The following ENTPD1 variants were observed in gnomAD, a reference collection of about 807,000 sequenced individuals.
ENTPD1 encodes ATP diphosphohydrolase.
A neutral mutation model predicts 57.0 loss-of-function variants in ENTPD1; 33 were observed. That is an observed-to-expected ratio of 0.58 (90% CI 0.44 to 0.77). The LOEUF (loss-of-function observed/expected upper bound fraction) is 0.77. ENTPD1 is among the 30% of genes least tolerant of loss of function. ENTPD1 has a pLI of 0.00. For synonymous variants in ENTPD1, 202 were observed against 218.8 expected (o/e 0.92, Z 0.68); for missense variants, 501 against 603.4 (o/e 0.83, Z 1.78).
In ENTPD1 at chr10:95,869,216, G is replaced by GAAAA; in HGVS notation, c.*2836_*2839dup. On this transcript the variant is annotated 3_prime_UTR_variant, in exon 10 of 10. Coordinates refer to ENST00000371205, the MANE Select transcript of ENTPD1 (RefSeq NM_001776.6). ...TTTTTTTCTATGAACCTATAGGGGA[G>GAAAA]AAAAAAGATCAGCAGAAGTCATTAC... 1 of 695,126 alleles carries GAAAA rather than the reference G, an allele frequency of 1.4e-6. No individual in the cohort carries two copies. Among genetic ancestry groups the GAAAA allele is most frequent in the Non-Finnish European group, 1.7e-6 (1 of 577,262 alleles). 43.1% of individuals were successfully genotyped at this position (695,126 alleles called of 1,614,324 possible).
intron 1 of ENTPD1, among the ~76,000 whole-genome samples, chr10:95,778,922 A>G (rs1412952506): frequency 6.6e-6 from 1 of 152,190 alleles, no homozygotes; most frequent in Admixed American, 6.5e-5. Flanking sequence ...AATGAGTCTT[A>G]GAGAGTGTAT....
At chr10:95,759,973 C>T (rs1336757838) in intron 1 of ENTPD1, among the ~76,000 whole-genome samples, 1 of 152,144 alleles carries the variant, frequency 6.6e-6, no homozygotes, top group African/African-American at 2.4e-5. Flanking sequence ...TACGTTCTAC[C>T]TCCTCAAGAG....
At chr10:95,843,960 G>A (rs2098427905) in intron 4 of ENTPD1, among the ~76,000 whole-genome samples, 1 of 152,178 alleles carries the variant, frequency 6.6e-6, no homozygotes, top group Admixed American at 6.5e-5. Context: ...GCTGTAATAT[G>A]AGGAAGATTT....
intron 7 of ENTPD1, among the ~76,000 whole-genome samples, chr10:95,853,342 G>A (rs2098448782): frequency 6.6e-6 from 1 of 152,176 alleles, no homozygotes; most frequent in Non-Finnish European, 1.5e-5. Flanking sequence ...CTGAGATGAT[G>A]GGGTTTTCTA....
chr10:95,715,875 G>T (rs978834658), intron 1 of ENTPD1, among the ~76,000 whole-genome samples: 4 of 151,944 alleles, frequency 2.6e-5, no homozygotes, highest in African/African-American at 2.4e-5. Context: ...ATTTTTGTTT[G>T]CTTGTTTGTG....
chr10:95,823,510 G>A lies in ENTPD1; in HGVS notation c.144+146G>A. 3.2e-6 allele frequency: 4 copies of A among 1,231,288 alleles called. No homozygotes were observed. The South Asian group carries it at 5.2e-5, about 16-fold the overall frequency. 76.3% of individuals were successfully genotyped at this position (1,231,288 alleles called of 1,614,324 possible). A position where few individuals can be genotyped will look rare whatever the true frequency, so the allele number is the denominator to read the frequency against. On this transcript the variant is annotated intron_variant, in intron 2 of 9. Coordinates refer to ENST00000371205, the MANE Select transcript of ENTPD1 (RefSeq NM_001776.6). ...CAAGTCAATTTCCACTGGATTAGGG[G>A]AGTAAAATGGAAATAGGTGCTCATT... is the stretch of plus-strand genomic sequence containing the variant.
chr10:95,730,529 A>T (rs1289228364), intron 1 of ENTPD1, among the ~76,000 whole-genome samples: 1 of 129,992 alleles, frequency 7.7e-6, no homozygotes, highest in African/African-American at 3.1e-5. Context: ...AGTAAAGTAC[A>T]GTGAAAAATA....
the ENTPD1 span, among the ~76,000 whole-genome samples, chr10:95,703,032 G>A: frequency 6.6e-5 from 10 of 151,924 alleles, no homozygotes; most frequent in East Asian, 1.4e-3. Context: ...TGATCCACCC[G>A]CCTCGGGCTC....
intron 1 of ENTPD1, among the ~76,000 whole-genome samples, chr10:95,805,369 G>C (rs1421774423): frequency 6.6e-6 from 1 of 151,698 alleles, no homozygotes; most frequent in African/African-American, 2.4e-5. Flanking sequence ...CATTTATTTT[G>C]AGCCTATGTG....
intron 1 of ENTPD1, among the ~76,000 whole-genome samples, chr10:95,718,515 C>T (rs2097974064): frequency 6.6e-6 from 1 of 152,116 alleles, no homozygotes; most frequent in East Asian, 1.9e-4. Flanking sequence ...AGAATAATCT[C>T]CTAATGGCTT....
In ENTPD1 at chr10:95,873,051, A is replaced by C. The variant is rs3192654; in HGVS notation, c.*6668A>C. On this transcript the variant is annotated 3_prime_UTR_variant, in exon 10 of 10. Transcript: ENST00000371205. ...TTACCCAGGGATTTTGTTGAAATAA[A>C]AATTATTTAATTTTAATTAATATAA... 0.33 allele frequency: 311,592 copies of C among 945,348 alleles called. 53,436 individuals are homozygous for C. Among genetic ancestry groups the C allele is most frequent in the Admixed American group, 0.39 (6,257 of 16,204 alleles). The allele number at this position is 945,348 out of a possible 1,614,324, so 58.6% of individuals were successfully genotyped here.
chr10:95,828,049 A>G (rs1413867307), intron 2 of ENTPD1, among the ~76,000 whole-genome samples: 2 of 152,184 alleles, frequency 1.3e-5, no homozygotes, highest in South Asian at 2.1e-4. Context: ...GAGAAGCTCT[A>G]TCATTTAAAG....
chr10:95,871,313 A>G lies in ENTPD1; in HGVS notation c.*4930A>G. On this transcript the variant is annotated 3_prime_UTR_variant, in exon 10 of 10. Transcript: ENST00000371205. ...AATCTGTTTATCTCACCAAAGAAAT[A>G]TTATCTTTAAAAAATGTCATTACTT... 1 of 985,084 alleles carries G rather than the reference A, an allele frequency of 1.0e-6. No homozygotes were observed. The highest frequency in any genetic ancestry group is 1.2e-6 in the Non-Finnish European group (1 of 829,592). 61.0% of individuals were successfully genotyped at this position (985,084 alleles called of 1,614,324 possible).
chr10:95,864,725 T>C lies in ENTPD1; in HGVS notation c.1190T>C (p.Ile397Thr), dbSNP rs142591047. ...ATCTCCCCCTCACTTCACTTCTAGA[T>C]AAAAACATCTTACGCTGGAGTAAAG... is the stretch of plus-strand genomic sequence containing the variant. ...KKFCAQPWEE[I>T]KTSYAGVKEK... The change falls in exon 9 of 10, where the codon ATA becomes ACA. Residue 397 changes from isoleucine to threonine, a missense_variant and splice_region_variant. By Grantham distance (89) the Ile-to-Thr change is moderately conservative (BLOSUM62 -1). Coordinates refer to ENST00000371205, the MANE Select transcript of ENTPD1 (RefSeq NM_001776.6). The C allele has an allele frequency of 1.7e-5, 27 of 1,614,034 alleles. No homozygotes were observed. In the African/African-American group the frequency reaches 2.1e-4, roughly 13 times the overall value.
At chr10:95,790,449 T>C (rs1226102610) in intron 1 of ENTPD1, among the ~76,000 whole-genome samples, 1 of 152,170 alleles carries the variant, frequency 6.6e-6, no homozygotes, top group African/African-American at 2.4e-5. Context: ...ACCCCCAACT[T>C]CCATGTTGTT....
At chr10:95,724,234 C>T (rs186414297) in intron 1 of ENTPD1, among the ~76,000 whole-genome samples, 1 of 150,600 alleles carries the variant, frequency 6.6e-6, no homozygotes, top group East Asian at 2.0e-4. Context: ...CCAGCGGCCA[C>T]ACTAATCGTT....
chr10:95,864,798 C>T lies in ENTPD1; in HGVS notation c.1263C>T (p.Ser421=). ...GCTTTTCTGGTACCTACATTCTCTC[C>T]CTCCTTCTGCAAGGCTATCATTTCA... is the stretch of plus-strand genomic sequence containing the variant. ...EYCFSGTYIL[S]LLLQGYHFTA... Residue 421 remains serine (S), a synonymous_variant, in exon 9 of 10, where the codon TCC becomes TCT. Transcript: ENST00000371205. 6.2e-7 allele frequency: 1 copy of T among 1,614,076 alleles called. No individual in the cohort carries two copies. The highest frequency in any genetic ancestry group is 1.1e-5 in the South Asian group (1 of 91,064).
At chr10:95,813,864 G>A (rs1268163995) in intron 1 of ENTPD1, among the ~76,000 whole-genome samples, 1 of 152,160 alleles carries the variant, frequency 6.6e-6, no homozygotes, top group Non-Finnish European at 1.5e-5. Flanking sequence ...ATAAGGCTAG[G>A]CACCCTGGTT....
chr10:95,742,145 A>G (rs958159751), intron 1 of ENTPD1, among the ~76,000 whole-genome samples: 1 of 152,214 alleles, frequency 6.6e-6, no homozygotes, highest in African/African-American at 2.4e-5. Flanking sequence ...ACTGACTCTT[A>G]GGCCCAGCAA....
Sources: gnomAD v4.1 joint callset for allele counts (sites outside exome capture counted in the v4.1 genomes callset) on GRCh38, gnomAD v4.1.1 for gene constraint, MANE v1.5 for transcripts, NCBI Gene and HGNC (gene_info 2026-07-23, HGNC 2026-07-21) for gene names.